The following TMEM108 variants were observed in gnomAD, a reference collection of about 807,000 sequenced individuals.
TMEM108 encodes cancer/testis antigen 124.
A neutral mutation model predicts 35.1 loss-of-function variants in TMEM108; 12 were observed. The observed-to-expected ratio is 0.34, with a 90% CI of 0.22 to 0.55. TMEM108 has a LOEUF of 0.55. TMEM108 is among the 20% of genes least tolerant of loss of function. The probability of loss-of-function intolerance (pLI) is 0.89; values close to 1 mark genes in which losing one functional copy is unlikely to be tolerated. For missense variants in TMEM108, 680 were observed against 753.3 expected (o/e 0.90, Z 1.14); for synonymous variants, 287 against 308.6 (o/e 0.93, Z 0.73).
At chr3:133,141,786 A>G (rs1405176023) in intron 2 of TMEM108, among the ~76,000 whole-genome samples, 4 of 152,218 alleles carry the variant, frequency 2.6e-5, no homozygotes, top group Non-Finnish European at 4.4e-5. Context: ...TAATAAAAAG[A>G]AAGGACCTTG....
At chr3:133,073,532 A>ATATATATATATATATATATT (rs1324857078) in intron 2 of TMEM108, among the ~76,000 whole-genome samples, 2 of 134,420 alleles carry the variant, frequency 1.5e-5, no homozygotes, top group African/African-American at 5.7e-5. Context: ...ATATATATAT[A>ATATATATATATATATATATT]TATCACATTT....
chr3:133,289,491 T>G (rs1005240539), intron 3 of TMEM108, among the ~76,000 whole-genome samples: 3 of 152,192 alleles, frequency 2.0e-5, no homozygotes, highest in Admixed American at 6.6e-5. Flanking sequence ...ATTCACAGTT[T>G]CCACATTAGA....
intron 1 of TMEM108, among the ~76,000 whole-genome samples, chr3:133,043,951 T>A (rs559938053): frequency 6.6e-6 from 1 of 152,320 alleles, no homozygotes; most frequent in East Asian, 1.9e-4. Flanking sequence ...AATCCTTGTT[T>A]AAAACATGCA....
chr3:133,085,889 C>T (rs2107702208), intron 2 of TMEM108, among the ~76,000 whole-genome samples: 1 of 152,110 alleles, frequency 6.6e-6, no homozygotes, highest in Admixed American at 6.5e-5. Context: ...GTATTTCAGC[C>T]TTCAAGAGCA....
intron 2 of TMEM108, among the ~76,000 whole-genome samples, chr3:133,159,266 A>G (rs746615912): frequency 6.6e-6 from 1 of 152,212 alleles, no homozygotes; most frequent in East Asian, 1.9e-4. Flanking sequence ...TTCCAACTAT[A>G]AACTAGTTTT....
chr3:133,150,117 G>C (rs1167996432), intron 2 of TMEM108, among the ~76,000 whole-genome samples: 8 of 151,808 alleles, frequency 5.3e-5, no homozygotes, highest in Non-Finnish European at 7.4e-5. Context: ...AGTGTACAAG[G>C]GTTCCCTTTT....
intron 2 of TMEM108, among the ~76,000 whole-genome samples, chr3:133,069,871 C>T (rs747035326): frequency 1.3e-5 from 2 of 152,174 alleles, no homozygotes; most frequent in Non-Finnish European, 2.9e-5. Context: ...TGCTTTTCCA[C>T]AGTATTTTGT....
At chr3:133,065,493 A>ATT (rs148203808) in intron 2 of TMEM108, among the ~76,000 whole-genome samples, 1 of 151,272 alleles carries the variant, frequency 6.6e-6, no homozygotes, top group African/African-American at 2.4e-5. Flanking sequence ...AAGAAACCCA[A>ATT]TTTTTTTTTC....
chr3:133,073,508 C>CTATATATATATATA (rs1273905276), intron 2 of TMEM108, among the ~76,000 whole-genome samples: 7 of 68,984 alleles, frequency 1.0e-4, no homozygotes, highest in South Asian at 4.7e-4. Context: ...CTCTCTCTCT[C>CTATATATATATATA]TCTATATATA....
At chr3:133,166,511 C>A (rs55809592) in intron 2 of TMEM108, among the ~76,000 whole-genome samples, 1 of 151,986 alleles carries the variant, frequency 6.6e-6, no homozygotes, top group African/African-American at 2.4e-5. Flanking sequence ...TTCTGATGTT[C>A]GGACGTGTTC....
chr3:133,194,220 C>T (rs1195517636), intron 2 of TMEM108, among the ~76,000 whole-genome samples: 1 of 152,150 alleles, frequency 6.6e-6, no homozygotes, highest in African/African-American at 2.4e-5. Context: ...CAGGCATGAT[C>T]CACCATGCCC....
intron 2 of TMEM108, among the ~76,000 whole-genome samples, chr3:133,130,844 G>A (rs534836383): frequency 1.3e-4 from 20 of 152,248 alleles, no homozygotes; most frequent in African/African-American, 4.6e-4. Context: ...GAGCATATTG[G>A]CATTAAAATG....
chr3:133,112,011 T>C (rs937073343), intron 2 of TMEM108, among the ~76,000 whole-genome samples: 32 of 152,190 alleles, frequency 2.1e-4, no homozygotes, highest in Admixed American at 2.0e-3. Context: ...TAAAGTGTGT[T>C]CTGCAGTGAG....
chr3:133,261,654 C>T (rs2107675885), intron 3 of TMEM108, among the ~76,000 whole-genome samples: 1 of 152,266 alleles, frequency 6.6e-6, no homozygotes, highest in South Asian at 2.1e-4. Context: ...TGAATATTTC[C>T]ATTTTAAGAA....
intron 3 of TMEM108, among the ~76,000 whole-genome samples, chr3:133,296,295 T>C (rs927829745): frequency 6.6e-6 from 1 of 152,124 alleles, no homozygotes; most frequent in Admixed American, 6.5e-5. Flanking sequence ...AATCTCGGAG[T>C]ATCTGCCCCC....
intron 3 of TMEM108, among the ~76,000 whole-genome samples, chr3:133,242,533 G>A (rs1414493033): frequency 1.3e-5 from 2 of 152,238 alleles, no homozygotes; most frequent in Non-Finnish European, 2.9e-5. Context: ...CGGGAAGGGT[G>A]TGTGGGGACT....
intron 3 of TMEM108, among the ~76,000 whole-genome samples, chr3:133,282,547 G>A (rs889293016): frequency 2.0e-5 from 3 of 152,184 alleles, no homozygotes; most frequent in African/African-American, 7.2e-5. Context: ...TCTTCAGCTT[G>A]TCATTTTAAT....
chr3:133,248,049 G>A (rs1238356550), intron 3 of TMEM108: 8 of 152,138 alleles, frequency 5.3e-5, no homozygotes, highest in African/African-American at 1.9e-4. Flanking sequence ...TATAAGTCAA[G>A]CCATGTTCTT....
chr3:133,381,941 C>T (rs2073024774), intron 4 of TMEM108, among the ~76,000 whole-genome samples: 1 of 152,124 alleles, frequency 6.6e-6, no homozygotes. Flanking sequence ...CCTCCCAAGG[C>T]CACCAGCTTC....
Sources: allele counts gnomAD v4.1 joint callset (sites outside exome capture counted in the v4.1 genomes callset), GRCh38; gene constraint gnomAD v4.1.1; transcripts MANE v1.5; gene names NCBI Gene and HGNC (gene_info 2026-07-23, HGNC 2026-07-21).